F5: variants seen among roughly 807,000 people sequenced by gnomAD.
F5 encodes the protein coagulation factor V, also known as activated protein c cofactor.
Under a neutral mutation model 216.4 loss-of-function variants are expected in F5, and 138 were observed. The ratio of observed to expected loss-of-function variants is 0.64; its 90% CI spans 0.56 to 0.73. The LOEUF (loss-of-function observed/expected upper bound fraction) is 0.73. Ranked by LOEUF, F5 falls within the 30% of genes least tolerant of loss-of-function variation. The pLI, the probability that F5 is intolerant of heterozygous loss-of-function variation, is 0.00. For synonymous variants in F5, 916 were observed against 930.7 expected, an observed-to-expected ratio of 0.98 and a Z score of 0.29; for missense variants, 2,403 against 2,674.0, an observed-to-expected ratio of 0.90 and a Z score of 2.24.
intron 9 of F5, 30 bp downstream of exon 9, chr1:169,550,610 T>G: frequency 6.4e-7 from 1 of 1,552,746 alleles, no homozygotes; most frequent in Admixed American, 1.7e-5. Context: ...AAGTTACTAG[T>G]TGGATTCAGT....
At position 169,513,063 on chromosome 1, in the gene F5, A is replaced by G. The variant is rs1193840266; in HGVS notation, c.*1250T>C. Among the ~76,000 whole-genome samples, 1 of 151,508 alleles carries G rather than the reference A, an allele frequency of 6.6e-6. No homozygotes were observed. The highest frequency in any genetic ancestry group is 2.4e-5 in the African/African-American group (1 of 41,192). ...GGAGCAGGTTGTTCAGTTTCCATGTAGTTGTGTGGTTTCGAGTGAGTTTCT... is the reference window on the plus strand; with the variant it reads ...GGAGCAGGTTGTTCAGTTTCCATGTGGTTGTGTGGTTTCGAGTGAGTTTCT... On this transcript the variant is annotated 3_prime_UTR_variant, in exon 25 of 25. Coordinates refer to ENST00000367797, the MANE Select transcript of F5 (RefSeq NM_000130.5).
At position 169,541,288 on chromosome 1, in the gene F5, A is replaced by G. The variant is rs1659841637; in HGVS notation, c.3802T>C (p.Ser1268Pro). ...LSPELSQTNL[S>P]PALGQMPLSP... ...AGGGGCATCTGACCGAGGGCTGGAG[A>G]AAGGTTTGTCTGACTGAGTTCTGGA... The change falls in exon 13 of 25, where the codon TCT becomes CCT. Residue 1268 changes from serine (S) to proline (P), a missense_variant. By Grantham distance (74) the Ser-to-Pro change is moderately conservative (BLOSUM62 -1). Coordinates refer to ENST00000367797, the MANE Select transcript of F5 (RefSeq NM_000130.5). 1.9e-6 allele frequency: 3 copies of G among 1,554,718 alleles called. No homozygotes were observed. The highest frequency in any genetic ancestry group is 1.8e-5 in the Admixed American group (1 of 55,474).
intron 14 of F5, among the ~76,000 whole-genome samples, chr1:169,532,367 GAAAT>G (rs1312613331): frequency 2.0e-5 from 3 of 152,034 alleles, no homozygotes; most frequent in Non-Finnish European, 1.5e-5. Flanking sequence ...GCAAGAGAAA[GAAAT>G]AAAAGGCAAC....
intron 2 of F5, among the ~76,000 whole-genome samples, chr1:169,576,239 C>G (rs1293873670): frequency 6.6e-6 from 1 of 152,146 alleles, no homozygotes; most frequent in Non-Finnish European, 1.5e-5. Flanking sequence ...TTTGCAGTAA[C>G]TGGTTACAGA....
Position 169,528,021 on chromosome 1 carries a change from C to T in F5, c.5493G>A (p.Leu1831=). The T allele has an allele frequency of 6.2e-7, 1 of 1,613,948 alleles. No individual in the cohort carries two copies. The highest frequency in any genetic ancestry group is 8.5e-7 in the Non-Finnish European group (1 of 1,179,894). ...YEQEWVRLHL[L]NIGGSQDIHV... ...GAATGTCTTGGGAGCCGCCTATGTT[C>T]AGCAGGTGTAACCTCACCCACTCTT... The change falls in exon 17 of 25, where the codon CTG becomes CTA. Residue 1831 remains leucine (L), a synonymous_variant. Transcript: ENST00000367797.
At position 169,560,482 on chromosome 1, in the gene F5, C is replaced by A. The variant is rs1281726444; in HGVS notation, c.586+72G>T. ...AAGAAGTTACCAAGATGCTCCCAAG[C>A]TTTGTCCCATGACAGAACTCCTGAC... On this transcript the variant is annotated intron_variant, in intron 4 of 24. Transcript: ENST00000367797. The A allele has an allele frequency of 2.7e-6, 4 of 1,471,902 alleles. No homozygotes were observed. In the African/African-American group the frequency reaches 5.6e-5, roughly 21 times the overall value. 91.2% of individuals were successfully genotyped at this position (1,471,902 alleles called of 1,614,324 possible). A position where few individuals can be genotyped will look rare whatever the true frequency, so the allele number is the denominator to read the frequency against.
chr1:169,544,562 T>C (rs1177974822), intron 11 of F5, 54 bp from the exon 12 acceptor site: 1 of 1,394,290 alleles, frequency 7.2e-7, no homozygotes. Flanking sequence ...AAAGGGCATG[T>C]GTCTAATTAT....
intron 9 of F5, among the ~76,000 whole-genome samples, chr1:169,550,298 C>A (rs865808773): frequency 1.3e-4 from 18 of 134,508 alleles, no homozygotes; most frequent in South Asian, 1.1e-3. Flanking sequence ...ACCCCCCCCC[C>A]CCGACAGGCC....
Position 169,552,698 on chromosome 1 carries a change from G to C in F5, c.1155C>G (p.Asn385Lys). The C allele has an allele frequency of 6.2e-7, 1 of 1,612,044 alleles. No individual in the cohort carries two copies. The highest frequency in any genetic ancestry group is 8.5e-7 in the Non-Finnish European group (1 of 1,179,318). ...YRSQHLDNFSNQIGKHYKKVM... is the reference protein window; with the variant it reads ...YRSQHLDNFSKQIGKHYKKVM... Reference sequence around the variant, plus strand: ...CTTTCTTATAATGTTTTCCAATTTGGTTTGAGAAATTATCCAAATGCTGAG... The same window carrying C: ...CTTTCTTATAATGTTTTCCAATTTGCTTTGAGAAATTATCCAAATGCTGAG... The change falls in exon 8 of 25, where the codon AAC (asparagine) becomes AAG (lysine). Residue 385 changes from asparagine (N) to lysine (K), a missense_variant. By Grantham distance (94) the Asn-to-Lys change is moderately conservative. Coordinates refer to ENST00000367797, the MANE Select transcript of F5 (RefSeq NM_000130.5).
chr1:169,579,211 A>G (rs73037444), intron 2 of F5, among the ~76,000 whole-genome samples: 5,938 of 151,882 alleles, frequency 0.039, 399 homozygotes, highest in African/African-American at 0.13. Context: ...CCATATTTTG[A>G]CCCTTATATT....
chr1:169,537,334 T>G (rs1486190047), intron 13 of F5, among the ~76,000 whole-genome samples: 1 of 152,174 alleles, frequency 6.6e-6, no homozygotes, highest in Non-Finnish European at 1.5e-5. Context: ...AGTCACTGGA[T>G]GGGTGAATGT....
At chr1:169,526,619 C>T (rs1215449414) in intron 17 of F5, among the ~76,000 whole-genome samples, 2 of 151,956 alleles carry the variant, frequency 1.3e-5, no homozygotes, top group African/African-American at 4.8e-5. Flanking sequence ...GACTGTTTCC[C>T]AGATTGTGGG....
intron 9 of F5, among the ~76,000 whole-genome samples, chr1:169,550,281 G>GC (rs1162969643): frequency 4.2e-3 from 134 of 31,800 alleles, no homozygotes; most frequent in Middle Eastern, 0.017. Flanking sequence ...CCCTCCCCCC[G>GC]CCCCCCACCC....
At position 169,572,250 on chromosome 1, in the gene F5, T is replaced by C. The variant is rs201278820; in HGVS notation, c.344A>G (p.Gln115Arg). The change falls in exon 3 of 25, where the codon CAA becomes CGA. Residue 115 changes from glutamine (Q) to arginine (R), a missense_variant. Coordinates refer to ENST00000367797, the MANE Select transcript of F5 (RefSeq NM_000130.5). Reference protein sequence around the residue: ...KADKPLSIHPQGIRYSKLSEG... With the variant: ...KADKPLSIHPRGIRYSKLSEG... The stretch of plus-strand genomic sequence containing the variant: ...TGATAATTTACTGTACCTAATTCCT[T>C]GAGGATGGATGCTCAAGGGCTTATC... 1.9e-6 allele frequency: 3 copies of C among 1,613,182 alleles called. No individual in the cohort carries two copies. The highest frequency in any genetic ancestry group is 2.5e-6 in the Non-Finnish European group (3 of 1,179,604).
chr1:169,585,000 C>G (rs1041969807), intron 1 of F5, among the ~76,000 whole-genome samples: 1 of 152,120 alleles, frequency 6.6e-6, no homozygotes, highest in African/African-American at 2.4e-5. Flanking sequence ...GAAAAAACTC[C>G]CAAGCATGAA....
rs369219145 is a variant in F5 at position 169,526,430 on chromosome 1, CCTT to C, written c.5600-416_5600-414del. 3.5e-3 allele frequency among the ~76,000 whole-genome samples: 535 copies of C among 152,070 alleles called. 7 individuals carry two copies. The highest frequency in any genetic ancestry group is 0.012 in the African/African-American group (512 of 41,480). On this transcript the variant is annotated intron_variant, in intron 17 of 24. Transcript: ENST00000367797. ...TTTATATAAGAAAATAAAAATAAAA[CCTT>C]CTTCCTCCATGTTTTCAAGTTTTCC...
At chr1:169,534,125 C>T (rs1044401872) in intron 14 of F5, among the ~76,000 whole-genome samples, 1 of 152,150 alleles carries the variant, frequency 6.6e-6, no homozygotes, top group Non-Finnish European at 1.5e-5. Context: ...CCCCCAGTCA[C>T]GTACCCCCTC....
At chr1:169,521,614 GATTTT>G (rs1659309154) in intron 21 of F5, among the ~76,000 whole-genome samples, 1 of 95,402 alleles carries the variant, frequency 1.0e-5, no homozygotes. Context: ...TCTGTGAAAA[GATTTT>G]TTTTTTTTTT....
At chr1:169,581,776 T>C (rs1426877610) in intron 2 of F5, among the ~76,000 whole-genome samples, 1 of 152,102 alleles carries the variant, frequency 6.6e-6, no homozygotes, top group Non-Finnish European at 1.5e-5. Flanking sequence ...AAGGAAGAGA[T>C]GAGGAAAAAA....
Sources: allele counts gnomAD v4.1 joint callset (sites outside exome capture counted in the v4.1 genomes callset), GRCh38; gene constraint gnomAD v4.1.1; transcripts MANE v1.5; gene names NCBI Gene and HGNC (gene_info 2026-07-23, HGNC 2026-07-21).